The following GPR149 variants were observed in gnomAD, a reference collection of about 807,000 sequenced individuals.
GPR149 encodes probable G protein-coupled receptor 149.
In GPR149, 50 loss-of-function variants were observed where a neutral mutation model predicts 50.2. That is an observed-to-expected ratio of 1.00 (90% CI 0.79 to 1.26). The LOEUF is 1.26. Ranked by LOEUF, GPR149 falls within the 50% of genes most tolerant of loss-of-function variation. The pLI is 0.00. For synonymous variants in GPR149, 405 were observed against 358.2 expected, an observed-to-expected ratio of 1.13 and a Z score of -1.48; for missense variants, 983 against 895.4, an observed-to-expected ratio of 1.10 and a Z score of -1.25.
At chr3:154,419,222 T>G (rs566520997) in intron 3 of GPR149, among the ~76,000 whole-genome samples, 40 of 152,180 alleles carry the variant, frequency 2.6e-4, no homozygotes, top group Middle Eastern at 3.4e-3. Flanking sequence ...AGTTTTATAC[T>G]TTACATAAAT....
At position 154,421,277 on chromosome 3, in the gene GPR149, A is replaced by G. The variant is rs1338101467; in HGVS notation, c.1385T>C (p.Leu462Pro). 1 of 1,613,450 alleles carries G rather than the reference A, an allele frequency of 6.2e-7. No homozygotes were observed. Among genetic ancestry groups the G allele is most frequent in the Non-Finnish European group, 8.5e-7 (1 of 1,179,566 alleles). Residue 462 changes from leucine to proline, a missense_variant, in exon 3 of 4, where the codon CTG becomes CCG. Leu to Pro is a moderately conservative substitution (Grantham distance 98). Coordinates refer to ENST00000389740, the MANE Select transcript of GPR149 (RefSeq NM_001038705.3). ...GATGCCTCTTTGTGTGGAGCTGTCCAGAGAGGGCGTGGTGCTGATTTCTAC... is the reference window on the plus strand; with the variant it reads ...GATGCCTCTTTGTGTGGAGCTGTCCGGAGAGGGCGTGGTGCTGATTTCTAC... ...IKVEISTTPS[L>P]DSSTQRGINK... is the part of the protein sequence containing the mutation.
chr3:154,357,606 G>T (rs1235518612), intron 3 of GPR149, among the ~76,000 whole-genome samples: 1 of 152,190 alleles, frequency 6.6e-6, no homozygotes, highest in African/African-American at 2.4e-5. Flanking sequence ...TCTCACACCA[G>T]TTAGAATGGC....
chr3:154,367,338 C>CG (rs985378767), intron 3 of GPR149, among the ~76,000 whole-genome samples: 8 of 36,376 alleles, frequency 2.2e-4, no homozygotes, highest in East Asian at 0.016. Flanking sequence ...CTCTCCCTTC[C>CG]CCCCCCCGAA....
At chr3:154,377,348 A>AATTATT (rs59932456) in intron 3 of GPR149, among the ~76,000 whole-genome samples, 29,015 of 138,990 alleles carry the variant, frequency 0.21, 3,227 homozygotes, top group South Asian at 0.26. Flanking sequence ...TCTGCTCTGT[A>AATTATT]ATTATTATTA....
At chr3:154,370,632 G>T (rs1714643657) in intron 3 of GPR149, among the ~76,000 whole-genome samples, 1 of 152,110 alleles carries the variant, frequency 6.6e-6, no homozygotes, top group South Asian at 2.1e-4. Context: ...TGTGCCTGGG[G>T]CAAGTGCCAG....
chr3:154,410,925 T>C (rs1372941814), intron 3 of GPR149, among the ~76,000 whole-genome samples: 3 of 152,196 alleles, frequency 2.0e-5, no homozygotes, highest in African/African-American at 7.2e-5. Context: ...TTCTCCAAAA[T>C]AGACCATATG....
intron 3 of GPR149, among the ~76,000 whole-genome samples, chr3:154,369,615 T>C (rs570377042): frequency 1.4e-4 from 22 of 152,304 alleles, no homozygotes; most frequent in Middle Eastern, 3.4e-3. Flanking sequence ...ACTATCTCCC[T>C]TACAAGGGAC....
Position 154,429,621 on chromosome 3 carries a change from T to C in GPR149, c.-6A>G. ...TTACTGAGAAATAAAGACATTGTCC[T>C]TGGTCAATATTTAATTTCCCTTATC... is the stretch of plus-strand genomic sequence containing the variant. On this transcript the variant is annotated 5_prime_UTR_variant, in exon 1 of 4. Coordinates refer to ENST00000389740, the MANE Select transcript of GPR149 (RefSeq NM_001038705.3). 6.2e-7 allele frequency: 1 copy of C among 1,601,214 alleles called. No individual in the cohort carries two copies. The highest frequency in any genetic ancestry group is 8.5e-7 in the Non-Finnish European group (1 of 1,172,264).
At chr3:154,368,734 G>GT (rs1358390665) in intron 3 of GPR149, among the ~76,000 whole-genome samples, 2 of 152,226 alleles carry the variant, frequency 1.3e-5, no homozygotes, top group African/African-American at 4.8e-5. Context: ...TACAGCAGCT[G>GT]TTCTCTCAGC....
At chr3:154,355,992 T>C (rs1714214528) in intron 3 of GPR149, among the ~76,000 whole-genome samples, 1 of 152,120 alleles carries the variant, frequency 6.6e-6, no homozygotes, top group Admixed American at 6.5e-5. Flanking sequence ...ACAAAGAGCA[T>C]CAAACTAAAA....
At chr3:154,409,025 C>T (rs1189426965) in intron 3 of GPR149, among the ~76,000 whole-genome samples, 2 of 152,240 alleles carry the variant, frequency 1.3e-5, no homozygotes, top group Non-Finnish European at 2.9e-5. Flanking sequence ...TCCGTGTCTG[C>T]AAGATCTGAA....
intron 3 of GPR149, among the ~76,000 whole-genome samples, chr3:154,344,090 T>C (rs1044776524): frequency 2.6e-5 from 4 of 152,232 alleles, no homozygotes; most frequent in African/African-American, 7.2e-5. Context: ...AATAATCCTA[T>C]GGTTCTAGTA....
At chr3:154,398,212 T>C (rs1335832604) in intron 3 of GPR149, among the ~76,000 whole-genome samples, 1 of 152,180 alleles carries the variant, frequency 6.6e-6, no homozygotes, top group African/African-American at 2.4e-5. Flanking sequence ...CCTGACTATC[T>C]AGAAAGAGGG....
At chr3:154,401,537 A>G (rs1304807579) in intron 3 of GPR149, among the ~76,000 whole-genome samples, 2 of 152,214 alleles carry the variant, frequency 1.3e-5, no homozygotes, top group Non-Finnish European at 2.9e-5. Flanking sequence ...GTGAAAGTAG[A>G]AGAGTTGGAT....
At chr3:154,339,377 A>T (rs1407864461) in intron 3 of GPR149, among the ~76,000 whole-genome samples, 1 of 152,200 alleles carries the variant, frequency 6.6e-6, no homozygotes, top group Admixed American at 6.5e-5. Flanking sequence ...AATGGTGGAG[A>T]TAAACAGACA....
chr3:154,377,491 T>C (rs1299840829), intron 3 of GPR149, among the ~76,000 whole-genome samples: 2 of 151,766 alleles, frequency 1.3e-5, no homozygotes, highest in African/African-American at 4.8e-5. Context: ...CTCAGCTTCC[T>C]GAGTGGCTGG....
intron 3 of GPR149, among the ~76,000 whole-genome samples, chr3:154,419,231 A>G (rs1712072661): frequency 6.6e-6 from 1 of 152,038 alleles, no homozygotes; most frequent in Non-Finnish European, 1.5e-5. Flanking sequence ...CTTTACATAA[A>G]TCATTTTAAT....
intron 3 of GPR149, among the ~76,000 whole-genome samples, chr3:154,356,741 A>C (rs1265105441): frequency 6.6e-6 from 1 of 152,174 alleles, no homozygotes; most frequent in Non-Finnish European, 1.5e-5. Flanking sequence ...AATATTGTGA[A>C]AATGGCCATA....
intron 3 of GPR149, among the ~76,000 whole-genome samples, chr3:154,351,331 A>T (rs1404858771): frequency 6.8e-6 from 1 of 147,958 alleles, no homozygotes; most frequent in Non-Finnish European, 1.5e-5. Flanking sequence ...AAAAAAAAAA[A>T]AAAAAAAAAA....
Sources: gnomAD v4.1 joint callset for allele counts (sites outside exome capture counted in the v4.1 genomes callset) on GRCh38, gnomAD v4.1.1 for gene constraint, MANE v1.5 for transcripts, NCBI Gene and HGNC (gene_info 2026-07-23, HGNC 2026-07-21) for gene names.